The following RNASET2 variants were observed in gnomAD, a reference collection of about 807,000 sequenced individuals.
The protein encoded by RNASET2 is ribonuclease 6.
Under a neutral mutation model 33.9 loss-of-function variants are expected in RNASET2, and 28 were observed. That is an observed-to-expected ratio of 0.83 (90% CI 0.61 to 1.13). RNASET2 has a LOEUF of 1.13. Ranked by LOEUF, RNASET2 falls within the 50% of genes most tolerant of loss-of-function variation. RNASET2 has a pLI of 0.00. For missense variants in RNASET2, 330 were observed against 319.9 expected (o/e 1.03, Z -0.24); for synonymous variants, 123 against 121.0 (o/e 1.02, Z -0.11).
chr6:166,952,906 T>C (rs2769345), intron 1 of RNASET2: 168,978 of 293,388 alleles, frequency 0.58, 52,200 homozygotes, highest in African/African-American at 0.82. Context: ...TCAAGAGAAA[T>C]GCAGACCCAC....
rs547857535 is a variant in RNASET2, at chr6:166,943,571, G to C, written c.262-482C>G. Reference sequence around the variant, plus strand: ...GAGGAAGAAGGGGAGGTATGGCTCAGGGGGTTTAGGGCCAGCGGCTGCTCC... The same window carrying C: ...GAGGAAGAAGGGGAGGTATGGCTCACGGGGTTTAGGGCCAGCGGCTGCTCC... On this transcript the variant is annotated intron_variant, in intron 4 of 8. Transcript: ENST00000508775. 512 of 335,946 alleles carry C rather than the reference G, an allele frequency of 1.5e-3. 6 individuals are homozygous for C. The Middle Eastern group carries it at 0.017, about 11-fold the overall frequency. 20.8% of individuals were successfully genotyped at this position (335,946 alleles called of 1,614,324 possible). A position where few individuals can be genotyped will look rare whatever the true frequency, so the allele number is the denominator to read the frequency against.
chr6:166,936,939 G>A (rs1778583989), intron 6 of RNASET2, among the ~76,000 whole-genome samples: 1 of 152,156 alleles, frequency 6.6e-6, no homozygotes, highest in Admixed American at 6.5e-5. Context: ...ACTGGTTTAT[G>A]GAGTCAGCCT....
intron 1 of RNASET2, 73 bp downstream of exon 1, chr6:166,956,024 G>C (rs1217547094): frequency 3.5e-6 from 5 of 1,418,966 alleles, no homozygotes; most frequent in Non-Finnish European, 4.9e-6. Context: ...CCCGAGAGCT[G>C]CAGCCTTCAC....
intron 2 of RNASET2, among the ~76,000 whole-genome samples, chr6:166,950,348 G>A (rs561258720): frequency 6.6e-5 from 10 of 152,214 alleles, no homozygotes; most frequent in Non-Finnish European, 1.2e-4. Context: ...CCAAGGCAAG[G>A]AAACAGCAGC....
rs911168436 is a variant in RNASET2 at position 166,956,161 on chromosome 6, C to G, written c.22G>C (p.Gly8Arg). The G allele has an allele frequency of 1.3e-6, 2 of 1,550,218 alleles. No homozygotes were observed. Among genetic ancestry groups the G allele is most frequent in the Non-Finnish European group, 8.7e-7 (1 of 1,146,694 alleles). ...AGGCAGAGGCAGCCCAGCAGGGCCC[C>G]GCGCAGGGCTGCAGGGCGCATGGTG... MRPAALRGALLGCLCLAL... is the reference protein window; with the variant it reads MRPAALRRALLGCLCLAL... Residue 8 changes from glycine (G) to arginine (R), a missense_variant, in exon 1 of 9, where the codon GGG becomes CGG. Transcript: ENST00000508775.
At chr6:166,947,138 T>C (rs1036961261) in intron 3 of RNASET2, among the ~76,000 whole-genome samples, 46 of 151,184 alleles carry the variant, frequency 3.0e-4, no homozygotes, top group South Asian at 2.1e-4. Context: ...GCACCACAGA[T>C]CCAGCATGAG....
rs1413873581 is a variant in RNASET2 at position 166,925,527 on chromosome 6, C to T, written c.*4061G>A. Among the ~76,000 whole-genome samples, 1 of 151,858 alleles carries T rather than the reference C, an allele frequency of 6.6e-6. No individual in the cohort carries two copies. Among genetic ancestry groups the T allele is most frequent in the East Asian group, 1.9e-4 (1 of 5,156 alleles). On this transcript the variant is annotated 3_prime_UTR_variant, in exon 9 of 9. Coordinates refer to ENST00000508775, the MANE Select transcript of RNASET2 (RefSeq NM_003730.6). ...CCTCACCTCCCCGGTCCAGCCCTTG[C>T]CTCCCCCGTCCAGCCCTCACCTCCA... is the stretch of plus-strand genomic sequence containing the variant.
intron 2 of RNASET2, among the ~76,000 whole-genome samples, chr6:166,950,001 C>G (rs1265570442): frequency 1.3e-5 from 2 of 152,248 alleles, no homozygotes; most frequent in Non-Finnish European, 2.9e-5. Flanking sequence ...TTAACAAGGA[C>G]ATTTTGCTAC....
rs1269155278 is a variant in RNASET2, at chr6:166,944,118, T to TA, written c.262-1030dup. ...CTGGCGACAGAGTGAGACTCCATCTTAAAAAAAAACAAAACGAAACCATCA... is the reference window on the plus strand; with the variant it reads ...CTGGCGACAGAGTGAGACTCCATCTTAAAAAAAAAACAAAACGAAACCATCA... On this transcript the variant is annotated intron_variant, in intron 4 of 8. Transcript: ENST00000508775. 7.9e-3 allele frequency: 1,191 copies of TA among 151,660 alleles called. 13 individuals carry two copies. Among genetic ancestry groups the TA allele is most frequent in the African/African-American group, 0.027 (1,082 of 40,830 alleles). 9.4% of individuals were successfully genotyped at this position (151,660 alleles called of 1,614,324 possible).
chr6:166,933,154 C>T lies in RNASET2; in HGVS notation c.492+937G>A, dbSNP rs1287921782. On this transcript the variant is annotated intron_variant, in intron 7 of 8. Transcript: ENST00000508775. This position sits in a 1 kb window ranked among gnomAD's most constrained non-coding sequence, Gnocchi z 4.1. ...CCACAACCTGTGATAAATACGAAAA[C>T]TATCTCAAAGAATCTGATACCTTTC... 1.3e-5 allele frequency: 2 copies of T among 152,218 alleles called. No homozygotes were observed. The highest frequency in any genetic ancestry group is 4.8e-5 in the African/African-American group (2 of 41,458). The allele number at this position is 152,218 out of a possible 1,614,324, so 9.4% of individuals were successfully genotyped here.
intron 6 of RNASET2, among the ~76,000 whole-genome samples, chr6:166,936,645 A>C (rs1417194398): frequency 6.6e-6 from 1 of 152,060 alleles, no homozygotes; most frequent in South Asian, 2.1e-4. Context: ...ACTGAGTGGG[A>C]ACTCGCTCAC....
chr6:166,935,354 T>A (rs1221495579), intron 6 of RNASET2, among the ~76,000 whole-genome samples: 6 of 152,242 alleles, frequency 3.9e-5, no homozygotes. Flanking sequence ...CTTTTAATGA[T>A]GCTACTAGAA....
chr6:166,940,822 T>G (rs1778675832), intron 5 of RNASET2, among the ~76,000 whole-genome samples: 1 of 152,010 alleles, frequency 6.6e-6, no homozygotes, highest in Non-Finnish European at 1.5e-5. Context: ...AGAGACACCC[T>G]GACTCACCCA....
At position 166,946,679 on chromosome 6, in the gene RNASET2, T is replaced by C; in HGVS notation, c.261+3A>G. The C allele has an allele frequency of 6.7e-7, 1 of 1,488,746 alleles. No individual in the cohort carries two copies. The highest frequency in any genetic ancestry group is 1.2e-5 in the South Asian group (1 of 85,508). The allele number at this position is 1,488,746 out of a possible 1,614,324, so 92.2% of individuals were successfully genotyped here. ...CAGTAGAAATATAATTAAAAGTCAA[T>C]ACCTTAATCTCTTCTAAATTGAAGG... On this transcript the variant is annotated splice_donor_region_variant and intron_variant, in intron 4 of 8. Coordinates refer to ENST00000508775, the MANE Select transcript of RNASET2 (RefSeq NM_003730.6).
At position 166,928,139 on chromosome 6, in the gene RNASET2, GC is replaced by G. The variant is rs1387868105; in HGVS notation, c.*1448del. 6.6e-6 allele frequency among the ~76,000 whole-genome samples: 1 copy of G among 152,202 alleles called. No individual in the cohort carries two copies. The highest frequency in any genetic ancestry group is 1.5e-5 in the Non-Finnish European group (1 of 68,032). ...TCTGTCTGTCTGCAGAAGCTGTCAGGCCTGGCTGGGTGCTGCCTGTCTCAGG... is the reference window on the plus strand; with the variant it reads ...TCTGTCTGTCTGCAGAAGCTGTCAGGCTGGCTGGGTGCTGCCTGTCTCAGG... On this transcript the variant is annotated 3_prime_UTR_variant, in exon 9 of 9. Coordinates refer to ENST00000508775, the MANE Select transcript of RNASET2 (RefSeq NM_003730.6).
In RNASET2 at chr6:166,923,393, T is replaced by C. The variant is rs1490434992; in HGVS notation, c.*6195A>G. On this transcript the variant is annotated 3_prime_UTR_variant, in exon 9 of 9. Coordinates refer to ENST00000508775, the MANE Select transcript of RNASET2 (RefSeq NM_003730.6). ...CACCCGCCACCACACCCAGCTAATG[T>C]ATTTTTAGTAGAGATAGGGTTTCGT... 6.6e-6 allele frequency among the ~76,000 whole-genome samples: 1 copy of C among 152,056 alleles called. No individual in the cohort carries two copies. Among genetic ancestry groups the C allele is most frequent in the African/African-American group, 2.4e-5 (1 of 41,364 alleles).
Position 166,931,097 on chromosome 6 carries a change from G to A in RNASET2, c.514C>T (p.Leu172Phe), listed in dbSNP as rs1359654764. The A allele has an allele frequency of 6.2e-7, 1 of 1,610,168 alleles. No individual in the cohort carries two copies. Among genetic ancestry groups the A allele is most frequent in the African/African-American group, 1.3e-5 (1 of 74,868 alleles). Residue 172 changes from leucine to phenylalanine, a missense_variant, in exon 8 of 9, where the codon CTT (leucine) becomes TTT (phenylalanine). By Grantham distance (22) the Leu-to-Phe change is conservative. Coordinates refer to ENST00000508775, the MANE Select transcript of RNASET2 (RefSeq NM_003730.6). ...YYQVADFKDA[L>F]ARVYGVIPKI... ...GGTATCACTCCATATACTCTGGCAA[G>A]GGCATCTTTAAAATCTGCAACCTGA...
rs1288398318 is a variant in RNASET2 at position 166,925,126 on chromosome 6, CTG to C, written c.*4460_*4461del. 2.8e-5 allele frequency among the ~76,000 whole-genome samples: 4 copies of C among 143,836 alleles called. No individual in the cohort carries two copies. Among genetic ancestry groups the C allele is most frequent in the African/African-American group, 1.1e-4 (4 of 37,558 alleles). 94.4% of individuals were successfully genotyped at this position (143,836 alleles called of 152,430 possible). ...AACCGGAACAGCACAGCCCTCACCT[CTG>C]CTGCCCAGGCCTCATCTACGCCATC... is the stretch of plus-strand genomic sequence containing the variant. On this transcript the variant is annotated 3_prime_UTR_variant, in exon 9 of 9. Coordinates refer to ENST00000508775, the MANE Select transcript of RNASET2 (RefSeq NM_003730.6).
Position 166,923,204 on chromosome 6 carries a change from C to T in RNASET2, c.*6384G>A, listed in dbSNP as rs1265387642. ...CCAGCCTCCCAGAGGGCTGGGATTA[C>T]AGGCGTGAGCCACCAGGCCCGGCCT... is the stretch of plus-strand genomic sequence containing the variant. On this transcript the variant is annotated 3_prime_UTR_variant, in exon 9 of 9. Transcript: ENST00000508775. 1.3e-5 allele frequency among the ~76,000 whole-genome samples: 2 copies of T among 148,804 alleles called. No individual in the cohort carries two copies. The highest frequency in any genetic ancestry group is 3.0e-5 in the Non-Finnish European group (2 of 67,592).
Sources: allele counts gnomAD v4.1 joint callset (sites outside exome capture counted in the v4.1 genomes callset), GRCh38; gene constraint gnomAD v4.1.1; non-coding constraint Gnocchi (gnomAD v3.1); transcripts MANE v1.5; gene names NCBI Gene and HGNC (gene_info 2026-07-23, HGNC 2026-07-21).